Variants in PPFIA2 observed in about 807,000 individuals in gnomAD.
The protein encoded by PPFIA2 is PPFI scaffold protein A2, also known as liprin-alpha-2.
A neutral mutation model predicts 175.5 loss-of-function variants in PPFIA2; 46 were observed. The ratio of observed to expected loss-of-function variants is 0.26; its 90% confidence interval spans 0.21 to 0.34. The LOEUF (loss-of-function observed/expected upper bound fraction) is 0.34, where lower values mean the gene tolerates loss of function less well. Ranked by LOEUF, PPFIA2 falls within the 10% of genes least tolerant of loss-of-function variation. PPFIA2 has a pLI of 1.00. For missense variants in PPFIA2, 1,179 were observed against 1,506.1 expected (o/e 0.78, Z 3.60); for synonymous variants, 568 against 511.4 (o/e 1.11, Z -1.49).
chr12:81,566,530 C>CAAAAAAAAAAAAAA (rs3075452), intron 4 of PPFIA2, among the ~76,000 whole-genome samples: 2 of 68,456 alleles, frequency 2.9e-5, no homozygotes, highest in East Asian at 4.2e-4. Context: ...GACTCCAACT[C>CAAAAAAAAAAAAAA]AAAAAAAAAA....
rs766222890 is a variant in PPFIA2, at chr12:81,340,945, C to A, written c.2393+133G>T. On this transcript the variant is annotated intron_variant, in intron 20 of 32. Coordinates refer to ENST00000549396, the MANE Select transcript of PPFIA2 (RefSeq NM_003625.5). ...AAATTTGGTTATTTCACAAGTGATA[C>A]TGGGAAAGGGAAGCTGGAGAATTCT... 3.6e-5 allele frequency: 35 copies of A among 981,134 alleles called. 1 individual carries two copies. Among genetic ancestry groups the A allele is most frequent in the Middle Eastern group, 2.3e-4 (1 of 4,416 alleles). 60.8% of individuals were successfully genotyped at this position (981,134 alleles called of 1,614,324 possible).
Position 81,492,324 on chromosome 12 carries a change from G to A in PPFIA2, c.304-34458C>T, listed in dbSNP as rs564794195. Among the ~76,000 whole-genome samples, 20 of 152,018 alleles carry A rather than the reference G, an allele frequency of 1.3e-4. No individual in the cohort carries two copies. In the South Asian group the frequency reaches 3.1e-3, roughly 24 times the overall value. On this transcript the variant is annotated intron_variant, in intron 4 of 32. Transcript: ENST00000549396. ...GGTCCAGGCATTCTGCCAGAAAATG[G>A]GATTATAGTAGCAGACTAAATTTAG...
chr12:81,479,900 C>T (rs1025489203), intron 4 of PPFIA2, among the ~76,000 whole-genome samples: 2 of 152,020 alleles, frequency 1.3e-5, no homozygotes, highest in South Asian at 2.1e-4. Context: ...TTGCTCTTCT[C>T]GAGGAGTCTC....
At chr12:81,368,081 T>G in intron 13 of PPFIA2, 1 of 1,278,366 alleles carries the variant, frequency 7.8e-7, no homozygotes, top group Non-Finnish European at 1.0e-6. Flanking sequence ...AATGATGTGA[T>G]CATCCGGGTT....
chr12:81,315,274 T>C (rs1260596266), intron 22 of PPFIA2, among the ~76,000 whole-genome samples: 1 of 151,872 alleles, frequency 6.6e-6, no homozygotes, highest in Non-Finnish European at 1.5e-5. Flanking sequence ...CTAATTTCTC[T>C]GCTGTAATTT....
chr12:81,593,789 A>G (rs1249452360), intron 4 of PPFIA2, among the ~76,000 whole-genome samples: 1 of 152,162 alleles, frequency 6.6e-6, no homozygotes, highest in Non-Finnish European at 1.5e-5. Context: ...CAACTTTTTT[A>G]GGAAAGAAAG....
chr12:81,382,461 T>C (rs1225262584), intron 9 of PPFIA2, among the ~76,000 whole-genome samples: 2 of 152,092 alleles, frequency 1.3e-5, no homozygotes, highest in East Asian at 1.9e-4. Flanking sequence ...GCTGAACGCA[T>C]GAGCAGGAAG....
At chr12:81,715,359 C>T (rs1235489715) in intron 3 of PPFIA2, among the ~76,000 whole-genome samples, 3 of 151,616 alleles carry the variant, frequency 2.0e-5, no homozygotes, top group Non-Finnish European at 4.4e-5. Context: ...ATAGCGAAAT[C>T]GGTATGTGTT....
intron 7 of PPFIA2, among the ~76,000 whole-genome samples, chr12:81,420,637 G>A (rs1204763814): frequency 2.0e-5 from 3 of 151,568 alleles, no homozygotes; most frequent in Admixed American, 6.6e-5. Context: ...AGAGAAAAAT[G>A]AAAAAAAGGG....
chr12:81,347,829 T>C (rs1566329596), intron 17 of PPFIA2, 59 bp from the exon 18 acceptor site: 5 of 1,572,600 alleles, frequency 3.2e-6, no homozygotes, highest in Non-Finnish European at 3.4e-6. Context: ...CATTATATGC[T>C]GCTGTAAGGA....
At chr12:81,604,954 C>T (rs927006014) in intron 4 of PPFIA2, among the ~76,000 whole-genome samples, 2 of 151,640 alleles carry the variant, frequency 1.3e-5, no homozygotes, top group African/African-American at 4.8e-5. Flanking sequence ...TAAGAGAAGA[C>T]CCCAAGAAAT....
At chr12:81,556,585 G>T (rs2068903661) in intron 4 of PPFIA2, among the ~76,000 whole-genome samples, 1 of 151,822 alleles carries the variant, frequency 6.6e-6, no homozygotes, top group African/African-American at 2.4e-5. Context: ...AGTGGTGCTG[G>T]ACATCAAACA....
intron 3 of PPFIA2, among the ~76,000 whole-genome samples, chr12:81,704,927 T>C (rs1326841081): frequency 6.7e-6 from 1 of 149,592 alleles, no homozygotes; most frequent in Non-Finnish European, 1.5e-5. Context: ...CTACTAAAAA[T>C]ACAAAAATTA....
intron 4 of PPFIA2, among the ~76,000 whole-genome samples, chr12:81,653,263 G>A (rs1172660938): frequency 6.6e-6 from 1 of 152,066 alleles, no homozygotes; most frequent in African/African-American, 2.4e-5. Context: ...GACTCCTACA[G>A]GACCTAGCAT....
chr12:81,540,567 A>G (rs2066051727), intron 4 of PPFIA2, among the ~76,000 whole-genome samples: 1 of 152,008 alleles, frequency 6.6e-6, no homozygotes, highest in Non-Finnish European at 1.5e-5. Context: ...GGACAGGGAG[A>G]ATTTATCAAT....
chr12:81,696,972 G>C (rs926188041), intron 3 of PPFIA2, among the ~76,000 whole-genome samples: 1 of 151,906 alleles, frequency 6.6e-6, no homozygotes, highest in Non-Finnish European at 1.5e-5. Context: ...TTTTTGACAT[G>C]TGAAGTTAGA....
intron 4 of PPFIA2, among the ~76,000 whole-genome samples, chr12:81,650,299 G>A (rs1052811762): frequency 5.9e-5 from 9 of 151,984 alleles, no homozygotes; most frequent in Admixed American, 4.6e-4. Context: ...GTGAGCCACC[G>A]AGCCCAGCAA....
chr12:81,689,427 T>C (rs2074949672), intron 3 of PPFIA2, among the ~76,000 whole-genome samples: 1 of 152,060 alleles, frequency 6.6e-6, no homozygotes, highest in East Asian at 1.9e-4. Context: ...CAGGATTCTA[T>C]TATGAATAAA....
intron 4 of PPFIA2, among the ~76,000 whole-genome samples, chr12:81,482,509 C>T (rs191695604): frequency 6.0e-4 from 91 of 152,056 alleles, no homozygotes; most frequent in Middle Eastern, 3.4e-3. Flanking sequence ...CAGTGATAGA[C>T]GGATAAAGAA....
Sources: gnomAD v4.1 joint callset for allele counts (sites outside exome capture counted in the v4.1 genomes callset) on GRCh38, gnomAD v4.1.1 for gene constraint, MANE v1.5 for transcripts, NCBI Gene and HGNC (gene_info 2026-07-23, HGNC 2026-07-21) for gene names.